PIK3C2G: variants seen among roughly 807,000 people sequenced by gnomAD.
PIK3C2G encodes phosphatidylinositol-4-phosphate 3-kinase catalytic subunit type 2 gamma, also known as phosphatidylinositol 3-kinase C2 domain-containing subunit gamma.
PIK3C2G carries 168 observed loss-of-function variants against 181.1 expected under a neutral mutation model. That is an observed-to-expected ratio of 0.93 (90% CI 0.82 to 1.05). The LOEUF is 1.05. Among genes scored for constraint, PIK3C2G ranks in the 50% least tolerant of loss-of-function variants. The pLI, the probability that PIK3C2G is intolerant of heterozygous loss-of-function variation, is 0.00. For missense variants in PIK3C2G, 1,869 were observed against 1,732.8 expected (o/e 1.08, Z -1.40); for synonymous variants, 573 against 592.2 (o/e 0.97, Z 0.47).
intron 30 of PIK3C2G, among the ~76,000 whole-genome samples, chr12:18,601,497 T>C (rs1479170185): frequency 6.6e-6 from 1 of 151,994 alleles, no homozygotes; most frequent in Admixed American, 6.6e-5. Context: ...TGGAGAGAGA[T>C]TTTTTTAAAG....
chr12:18,520,197 G>T (rs1166569378), intron 24 of PIK3C2G, among the ~76,000 whole-genome samples: 1 of 151,792 alleles, frequency 6.6e-6, no homozygotes, highest in Non-Finnish European at 1.5e-5. Flanking sequence ...TATGTGTCTT[G>T]GGATTGATCT....
chr12:18,487,460 T>C (rs1940166721), intron 18 of PIK3C2G, among the ~76,000 whole-genome samples: 1 of 152,090 alleles, frequency 6.6e-6, no homozygotes, highest in Middle Eastern at 3.2e-3. Flanking sequence ...CTCAGAATTA[T>C]CTTTTAGTTC....
intron 26 of PIK3C2G, among the ~76,000 whole-genome samples, chr12:18,552,452 G>C (rs1944783746): frequency 6.6e-6 from 1 of 151,918 alleles, no homozygotes; most frequent in Non-Finnish European, 1.5e-5. Context: ...ACAAATAAGA[G>C]CCAATGTTTT....
rs906664614 is a variant in PIK3C2G, at chr12:18,275,538, C to T, written c.-78-6466C>T. 7.2e-5 allele frequency among the ~76,000 whole-genome samples: 11 copies of T among 152,134 alleles called. No individual in the cohort carries two copies. In the East Asian group the frequency reaches 7.7e-4, roughly 11 times the overall value. On this transcript the variant is annotated intron_variant, in intron 1 of 32. Transcript: ENST00000538779. ...CTGGGATTACAGGCGTCCGCCACCA[C>T]GCCTGCCTAATTTTTTGTAGTTTTA...
chr12:18,589,475 G>T (rs1946960647), intron 29 of PIK3C2G, among the ~76,000 whole-genome samples: 1 of 151,898 alleles, frequency 6.6e-6, no homozygotes. Context: ...GCATCTTTAT[G>T]AATTCCAGTG....
At chr12:18,379,841 T>A (rs1216525795) in intron 13 of PIK3C2G, among the ~76,000 whole-genome samples, 2 of 152,094 alleles carry the variant, frequency 1.3e-5, no homozygotes, top group Non-Finnish European at 2.9e-5. Context: ...TCCTATCACA[T>A]GCCCTTGTTA....
intron 18 of PIK3C2G, among the ~76,000 whole-genome samples, chr12:18,447,208 G>C (rs1947077348): frequency 6.6e-6 from 1 of 152,138 alleles, no homozygotes; most frequent in Admixed American, 6.6e-5. Context: ...ACCACGAGTG[G>C]CAGTTCCACA....
chr12:18,442,429 T>A (rs1946794859), intron 18 of PIK3C2G, among the ~76,000 whole-genome samples: 1 of 152,078 alleles, frequency 6.6e-6, no homozygotes, highest in Admixed American at 6.6e-5. Flanking sequence ...TAAAGTAATA[T>A]TGCAATAATG....
intron 7 of PIK3C2G, 73 bp downstream of exon 7, chr12:18,321,105 A>G: frequency 1.2e-6 from 1 of 824,736 alleles, no homozygotes; most frequent in Non-Finnish European, 2.0e-6. Flanking sequence ...AGTATTTTTC[A>G]GTTGATTGTA....
chr12:18,257,854 AAAG>A (rs1948163874), upstream of PIK3C2G, among the ~76,000 whole-genome samples: 1 of 151,868 alleles, frequency 6.6e-6, no homozygotes, highest in Non-Finnish European at 1.5e-5. Flanking sequence ...AAAGAGAAAG[AAAG>A]AAAGAAGATA....
downstream of PIK3C2G, among the ~76,000 whole-genome samples, chr12:18,650,706 A>ATATATC (rs1565602607): frequency 1.1e-3 from 9 of 8,368 alleles, no homozygotes; most frequent in South Asian, 8.9e-3. Context: ...GTGTGTGTGT[A>ATATATC]TATATCTATA....
chr12:18,654,589 T>C, the PIK3C2G span, among the ~76,000 whole-genome samples: 1 of 152,294 alleles, frequency 6.6e-6, no homozygotes, highest in Non-Finnish European at 1.5e-5. Context: ...GGGTGTTCCC[T>C]GAGGAAAAAT....
intron 18 of PIK3C2G, among the ~76,000 whole-genome samples, chr12:18,448,978 CTTTA>C (rs965258115): frequency 2.0e-5 from 3 of 151,906 alleles, no homozygotes; most frequent in African/African-American, 7.2e-5. Context: ...GAGGGGTTGA[CTTTA>C]TTTATTTCTG....
chr12:18,721,930 T>TTATTGTGGCC, the PIK3C2G span, among the ~76,000 whole-genome samples: 1 of 152,016 alleles, frequency 6.6e-6, no homozygotes, highest in African/African-American at 2.4e-5. Flanking sequence ...GCCAAAATCT[T>TTATTGTGGCC]TATTGTGGCC....
chr12:18,707,085 T>C, the PIK3C2G span, among the ~76,000 whole-genome samples: 1 of 152,330 alleles, frequency 6.6e-6, no homozygotes, highest in Non-Finnish European at 1.5e-5. Flanking sequence ...TACTTCCTTC[T>C]TATAAAAGTC....
In PIK3C2G at chr12:18,497,603, A is replaced by G. The variant is rs1941120692; in HGVS notation, c.2887-16A>G. The G allele has an allele frequency of 1.2e-6, 2 of 1,604,160 alleles. No individual in the cohort carries two copies. The highest frequency in any genetic ancestry group is 1.7e-6 in the Non-Finnish European group (2 of 1,174,098). ...TTCAAGGAAAAACCCAGGGTCTATA[A>G]TTTTGTTTTTAACAGGCTGGAGATG... On this transcript the variant is annotated splice_polypyrimidine_tract_variant and intron_variant, in intron 21 of 32. Coordinates refer to ENST00000538779, the MANE Select transcript of PIK3C2G (RefSeq NM_001288772.2).
At chr12:18,424,171 T>G in intron 18 of PIK3C2G, 132 bp downstream of exon 18, 1 of 569,984 alleles carries the variant, frequency 1.8e-6, no homozygotes, top group South Asian at 2.4e-5. Flanking sequence ...GTTTTGAGTC[T>G]TTGTCAATGT....
rs143181162 is a variant in PIK3C2G at position 18,578,225 on chromosome 12, T to G, written c.4011+11168T>G. Among the ~76,000 whole-genome samples the G allele has an allele frequency of 1.1e-3, 173 of 152,322 alleles. 1 individual carries two copies. Among genetic ancestry groups the G allele is most frequent in the African/African-American group, 4.0e-3 (166 of 41,572 alleles). On this transcript the variant is annotated intron_variant, in intron 29 of 32. Transcript: ENST00000538779. Reference sequence around the variant, plus strand: ...CAGACACAATGCTGCCATGAGAAGCTTACAGTCTGTGTCTATATTCTGTCT... The same window carrying G: ...CAGACACAATGCTGCCATGAGAAGCGTACAGTCTGTGTCTATATTCTGTCT...
intron 32 of PIK3C2G, among the ~76,000 whole-genome samples, chr12:18,643,002 CCTCA>C (rs948473518): frequency 6.6e-6 from 1 of 151,924 alleles, no homozygotes; most frequent in African/African-American, 2.4e-5. Context: ...AGTCTCCATG[CCTCA>C]CTATCAAGAA....
Sources: gnomAD v4.1 joint callset for allele counts (sites outside exome capture counted in the v4.1 genomes callset) on GRCh38, gnomAD v4.1.1 for gene constraint, MANE v1.5 for transcripts, NCBI Gene and HGNC (gene_info 2026-07-23, HGNC 2026-07-21) for gene names.